The following NCKAP1 variants were observed in gnomAD, a reference collection of about 807,000 sequenced individuals.
NCKAP1 encodes NCK associated protein 1.
Under a neutral mutation model 151.2 loss-of-function variants are expected in NCKAP1, and 21 were observed. The ratio of observed to expected loss-of-function variants is 0.14; its 90% CI spans 0.10 to 0.20. The LOEUF (loss-of-function observed/expected upper bound fraction) is 0.20. Ranked by LOEUF, NCKAP1 falls within the 10% of genes least tolerant of loss-of-function variation. The pLI is 1.00. For missense variants in NCKAP1, 933 were observed against 1,352.1 expected (o/e 0.69, Z 4.86); for synonymous variants, 484 against 451.8 (o/e 1.07, Z -0.90).
chr2:183,000,835 G>A (rs977908839), intron 6 of NCKAP1, among the ~76,000 whole-genome samples: 31 of 152,182 alleles, frequency 2.0e-4, no homozygotes, highest in African/African-American at 6.0e-4. Flanking sequence ...GCTCATGCCT[G>A]TAATCCTAGC....
At chr2:182,950,853 G>C (rs1697199745) in intron 23 of NCKAP1, among the ~76,000 whole-genome samples, 1 of 151,790 alleles carries the variant, frequency 6.6e-6, no homozygotes, top group Non-Finnish European at 1.5e-5. Flanking sequence ...TTTTTTTTGA[G>C]ACAGAGTCTC....
intron 2 of NCKAP1, among the ~76,000 whole-genome samples, chr2:183,016,091 G>A (rs973772457): frequency 6.6e-6 from 1 of 152,100 alleles, no homozygotes; most frequent in African/African-American, 2.4e-5. Context: ...AGTTCTAGCA[G>A]TAACCTGTAG....
chr2:183,023,712 T>A (rs1471277600), intron 2 of NCKAP1, 94 bp downstream of exon 2: 17 of 938,560 alleles, frequency 1.8e-5, no homozygotes, highest in Non-Finnish European at 2.8e-5. Context: ...ATGTTAAAAA[T>A]TAGGTAAATA....
At chr2:182,989,265 A>G (rs1698119453) in intron 8 of NCKAP1, 79 bp from the exon 9 acceptor site, 8 of 1,185,764 alleles carry the variant, frequency 6.7e-6, no homozygotes, top group African/African-American at 1.6e-5. Context: ...CTTTTGAAAA[A>G]TACAGAAACG....
chr2:183,037,674 G>A (rs918952978), intron 1 of NCKAP1, among the ~76,000 whole-genome samples: 4 of 152,172 alleles, frequency 2.6e-5, no homozygotes, highest in African/African-American at 9.6e-5. Context: ...CATCATGGGG[G>A]CGGGGGCGCC....
At chr2:182,947,904 G>A in intron 23 of NCKAP1, among the ~76,000 whole-genome samples, 1 of 151,318 alleles carries the variant, frequency 6.6e-6, no homozygotes, top group Admixed American at 6.6e-5. Context: ...TATGAAGTAT[G>A]CCTCAGTACA....
At chr2:182,979,016 T>C (rs55739115) in intron 13 of NCKAP1, 101 bp from the exon 14 acceptor site, 55,013 of 551,672 alleles carry the variant, frequency 0.1, 6,107 homozygotes, top group African/African-American at 0.43. Context: ...ATACCCATAC[T>C]ATGGAATATT....
At chr2:182,990,836 ACTCT>A (rs1285679249) in intron 8 of NCKAP1, among the ~76,000 whole-genome samples, 1 of 152,114 alleles carries the variant, frequency 6.6e-6, no homozygotes, top group African/African-American at 2.4e-5. Context: ...AAGCAAGCTA[ACTCT>A]CTAAGTAGGC....
At chr2:182,969,006 A>G (rs368844441) in intron 15 of NCKAP1, among the ~76,000 whole-genome samples, 48 of 152,352 alleles carry the variant, frequency 3.2e-4, no homozygotes, top group African/African-American at 1.1e-3. Flanking sequence ...ATGACAAAAT[A>G]TACTTGACAT....
intron 16 of NCKAP1, 120 bp from the exon 17 acceptor site, chr2:182,964,928 G>C: frequency 1.5e-6 from 1 of 664,348 alleles, no homozygotes; most frequent in Non-Finnish European, 2.3e-6. Context: ...GATTTAAGAA[G>C]AGAATATTTT....
intron 2 of NCKAP1, among the ~76,000 whole-genome samples, chr2:183,017,409 A>T (rs929259994): frequency 2.6e-5 from 4 of 152,176 alleles, no homozygotes; most frequent in South Asian, 2.1e-4. Flanking sequence ...GTGACAGATC[A>T]TCAGGCATTA....
At position 182,981,908 on chromosome 2, in the gene NCKAP1, CAAAAAAAAAAA is replaced by C. The variant is rs77694869; in HGVS notation, c.1209-543_1209-533del. On this transcript the variant is annotated intron_variant, in intron 12 of 30. Coordinates refer to ENST00000361354, the MANE Select transcript of NCKAP1 (RefSeq NM_013436.5). The stretch of plus-strand genomic sequence containing the variant: ...TGGGTGACAGAGTAAAACTCCGTCT[CAAAAAAAAAAA>C]AAAAAAAAAAATTTAAATTAAAAAA... Among the ~76,000 whole-genome samples the C allele has an allele frequency of 5.0e-4, 26 of 51,892 alleles. No individual in the cohort carries two copies. In the South Asian group the frequency reaches 0.017, roughly 34 times the overall value. The allele number at this position is 51,892 out of a possible 152,430, so 34.0% of individuals were successfully genotyped here. A position where few individuals can be genotyped will look rare whatever the true frequency, so the allele number is the denominator to read the frequency against.
chr2:182,935,682 T>C (rs1696859189), intron 24 of NCKAP1, among the ~76,000 whole-genome samples: 1 of 151,802 alleles, frequency 6.6e-6, no homozygotes, highest in Non-Finnish European at 1.5e-5. Context: ...TTATATAAAT[T>C]ATATTACTAC....
chr2:182,970,337 C>G (rs574971223), intron 15 of NCKAP1, among the ~76,000 whole-genome samples: 2 of 152,252 alleles, frequency 1.3e-5, no homozygotes, highest in East Asian at 3.9e-4. Context: ...GCCATCATCA[C>G]TTACGAACAT....
chr2:182,918,951 T>G lies in NCKAP1; in HGVS notation c.*6751A>C, dbSNP rs780121049. ...ACAACTCTGGGGCCAGATTTAAATG[T>G]TGGCCTCTGCTACTTCCTTGTAGTG... On this transcript the variant is annotated 3_prime_UTR_variant, in exon 31 of 31. Coordinates refer to ENST00000361354, the MANE Select transcript of NCKAP1 (RefSeq NM_013436.5). 1.6e-4 allele frequency: 24 copies of G among 152,246 alleles called. No homozygotes were observed. The highest frequency in any genetic ancestry group is 2.8e-4 in the Non-Finnish European group (19 of 68,030). 9.4% of individuals were successfully genotyped at this position (152,246 alleles called of 1,614,324 possible).
At chr2:183,037,779 T>C (rs1294931654) in intron 1 of NCKAP1, among the ~76,000 whole-genome samples, 1 of 151,886 alleles carries the variant, frequency 6.6e-6, no homozygotes, top group East Asian at 1.9e-4. Context: ...ATGGCTTCTC[T>C]GCCTTCGGCC....
intron 27 of NCKAP1, among the ~76,000 whole-genome samples, chr2:182,929,773 A>C (rs1193756743): frequency 1.3e-5 from 2 of 151,850 alleles, no homozygotes; most frequent in Admixed American, 6.6e-5. Context: ...AAAAAAAAAA[A>C]AAAACTGATG....
chr2:182,931,686 C>T (rs966179319), intron 26 of NCKAP1, among the ~76,000 whole-genome samples: 3 of 152,048 alleles, frequency 2.0e-5, no homozygotes, highest in African/African-American at 7.2e-5. Context: ...TTCATTGAAA[C>T]TAAAAGACAT....
intron 2 of NCKAP1, among the ~76,000 whole-genome samples, chr2:183,019,023 A>G (rs1698746819): frequency 6.6e-6 from 1 of 152,206 alleles, no homozygotes; most frequent in African/African-American, 2.4e-5. Flanking sequence ...AATATCTATA[A>G]CATAAAAGAT....
Sources: gnomAD v4.1 joint callset for allele counts (sites outside exome capture counted in the v4.1 genomes callset) on GRCh38, gnomAD v4.1.1 for gene constraint, MANE v1.5 for transcripts, NCBI Gene and HGNC (gene_info 2026-07-23, HGNC 2026-07-21) for gene names.